Variants in LDAH observed in about 807,000 individuals in gnomAD.
The protein encoded by LDAH is lipid droplet-associated hydrolase.
In LDAH, 26 loss-of-function variants were observed where a neutral mutation model predicts 29.6. The observed-to-expected ratio is 0.88, with a 90% CI of 0.64 to 1.22. LDAH has a LOEUF of 1.22. LDAH is among the 50% of genes most tolerant of loss of function. The pLI, the probability that LDAH is intolerant of heterozygous loss-of-function variation, is 0.00. For missense variants in LDAH, 344 were observed against 387.3 expected (o/e 0.89, Z 0.94); for synonymous variants, 117 against 133.0 (o/e 0.88, Z 0.83).
intron 1 of LDAH, among the ~76,000 whole-genome samples, chr2:20,811,058 C>A (rs925533228): frequency 5.8e-4 from 88 of 151,708 alleles, no homozygotes; most frequent in African/African-American, 2.0e-3. Flanking sequence ...CGCTCTCTCG[C>A]CCAGGCTGGA....
intron 1 of LDAH, among the ~76,000 whole-genome samples, chr2:20,814,233 G>C (rs938756398): frequency 1.0e-4 from 15 of 149,088 alleles, no homozygotes; most frequent in African/African-American, 2.2e-4. Flanking sequence ...TGACAATGGG[G>C]GGGGGGGGTC....
At chr2:20,695,575 G>A (rs932863036) in intron 6 of LDAH, among the ~76,000 whole-genome samples, 10 of 151,162 alleles carry the variant, frequency 6.6e-5, no homozygotes, top group African/African-American at 2.4e-4. Context: ...TCAGCCTCCC[G>A]AGTAGCTGGG....
In LDAH at chr2:20,686,680, G is replaced by GGTCGCCGTATCA; in HGVS notation, c.*222_*223insTGATACGGCGAC. The GGTCGCCGTATCA allele has an allele frequency of 2.4e-6, 1 of 418,736 alleles. No individual in the cohort carries two copies. The highest frequency in any genetic ancestry group is 4.3e-6 in the Non-Finnish European group (1 of 233,368). 25.9% of individuals were successfully genotyped at this position (418,736 alleles called of 1,614,324 possible). On this transcript the variant is annotated 3_prime_UTR_variant, in exon 7 of 7. Coordinates refer to ENST00000237822, the MANE Select transcript of LDAH (RefSeq NM_021925.4). Reference sequence around the variant, plus strand: ...CACAAGACTCTGTGTAGATCACTGTGTTCCCTGAGTCTTGGAAAATGTATG... The same window carrying GGTCGCCGTATCA: ...CACAAGACTCTGTGTAGATCACTGTGGTCGCCGTATCATTCCCTGAGTCTTGGAAAATGTATG...
intron 5 of LDAH, among the ~76,000 whole-genome samples, chr2:20,726,372 G>C (rs1182549833): frequency 1.3e-5 from 2 of 152,206 alleles, no homozygotes; most frequent in Admixed American, 1.3e-4. Flanking sequence ...GGCTGTGTGG[G>C]AACAAAATTT....
chr2:20,730,607 T>C (rs902386317), intron 5 of LDAH, among the ~76,000 whole-genome samples: 1 of 152,212 alleles, frequency 6.6e-6, no homozygotes, highest in African/African-American at 2.4e-5. Flanking sequence ...CTAAAAGGAT[T>C]GTAGTTTTAA....
At chr2:20,714,641 T>C (rs1343259168) in intron 5 of LDAH, among the ~76,000 whole-genome samples, 2 of 152,020 alleles carry the variant, frequency 1.3e-5, no homozygotes, top group Admixed American at 1.3e-4. Flanking sequence ...CTAGCAAGAC[T>C]AATAAAGAAG....
chr2:20,779,555 T>C (rs1422102103), intron 3 of LDAH, among the ~76,000 whole-genome samples: 2 of 150,436 alleles, frequency 1.3e-5, no homozygotes, highest in African/African-American at 5.0e-5. Flanking sequence ...GCTATACATA[T>C]ATATAAATAT....
chr2:20,817,909 G>A (rs1052431331), intron 1 of LDAH, among the ~76,000 whole-genome samples: 5 of 152,126 alleles, frequency 3.3e-5, no homozygotes, highest in Non-Finnish European at 5.9e-5. Flanking sequence ...CAATATCCTT[G>A]AAATGACAAA....
In LDAH at chr2:20,795,222, G is replaced by A. The variant is rs1287877365; in HGVS notation, c.155-4824C>T. On this transcript the variant is annotated intron_variant, in intron 2 of 6. Transcript: ENST00000237822. ...ACAGAAGTTGTAGTGATCATCTCTA[G>A]GCCCTGACTGCTAATAATCTCCAAC... 2.0e-5 allele frequency among the ~76,000 whole-genome samples: 3 copies of A among 152,138 alleles called. No individual in the cohort carries two copies. The East Asian group carries it at 5.8e-4, about 29-fold the overall frequency.
At chr2:20,786,035 T>C (rs2125057406) in intron 3 of LDAH, among the ~76,000 whole-genome samples, 2 of 152,318 alleles carry the variant, frequency 1.3e-5, no homozygotes. Flanking sequence ...GCTTGCTTTG[T>C]CTCTTCAGAC....
At chr2:20,729,084 C>T (rs777086984) in intron 5 of LDAH, among the ~76,000 whole-genome samples, 2 of 152,180 alleles carry the variant, frequency 1.3e-5, no homozygotes, top group African/African-American at 4.8e-5. Context: ...TAGTATAAAA[C>T]TCTGGTTGCC....
chr2:20,734,441 T>G (rs978551592), intron 5 of LDAH, among the ~76,000 whole-genome samples: 3 of 152,202 alleles, frequency 2.0e-5, no homozygotes, highest in African/African-American at 7.2e-5. Context: ...AGTATCTCTT[T>G]TGAATAGCAT....
intron 1 of LDAH, 132 bp downstream of exon 1, chr2:20,822,905 A>C (rs1673437567): frequency 6.6e-6 from 1 of 152,256 alleles, no homozygotes. Context: ...TTTTGCTGCT[A>C]CGGGCCATCT....
chr2:20,726,006 T>G (rs973796319), intron 5 of LDAH, among the ~76,000 whole-genome samples: 4 of 152,218 alleles, frequency 2.6e-5, no homozygotes, highest in Non-Finnish European at 4.4e-5. Flanking sequence ...TCTTGGCACA[T>G]GAGAAAAATA....
intron 4 of LDAH, among the ~76,000 whole-genome samples, chr2:20,766,250 T>C (rs907634420): frequency 1.8e-4 from 27 of 152,312 alleles, no homozygotes; most frequent in African/African-American, 6.5e-4. Flanking sequence ...AAAACACTGT[T>C]TCATTGGTCA....
At chr2:20,805,564 G>A (rs1415836886) in intron 1 of LDAH, among the ~76,000 whole-genome samples, 2 of 152,126 alleles carry the variant, frequency 1.3e-5, no homozygotes, top group African/African-American at 4.8e-5. Context: ...TTCAGCCTCA[G>A]CCCATAAGCA....
At position 20,698,497 on chromosome 2, in the gene LDAH, G is replaced by A. The variant is rs926939559; in HGVS notation, c.786+3073C>T. The stretch of plus-strand genomic sequence containing the variant: ...AAGGTCAGGAGTTTGAGACCAGCCT[G>A]ACCAACATGGTGAAACCCTGTCTCT... On this transcript the variant is annotated intron_variant, in intron 6 of 6. Transcript: ENST00000237822. The surrounding 1 kb of genome is among the most constrained non-coding windows in gnomAD (Gnocchi z 4.4). 6.6e-6 allele frequency among the ~76,000 whole-genome samples: 1 copy of A among 152,150 alleles called. No homozygotes were observed. Among genetic ancestry groups the A allele is most frequent in the Non-Finnish European group, 1.5e-5 (1 of 68,028 alleles).
intron 5 of LDAH, among the ~76,000 whole-genome samples, chr2:20,701,947 AC>A (rs1663973575): frequency 6.6e-6 from 1 of 152,226 alleles, no homozygotes; most frequent in South Asian, 2.1e-4. Context: ...GTGCAATTTT[AC>A]CAGACCAATA....
At chr2:20,689,534 C>T (rs551358605) in intron 6 of LDAH, among the ~76,000 whole-genome samples, 4 of 152,300 alleles carry the variant, frequency 2.6e-5, no homozygotes, top group Non-Finnish European at 5.9e-5. Context: ...AACACGTTTC[C>T]CCGGATCTCT....
Sources: gnomAD v4.1 joint callset for allele counts (sites outside exome capture counted in the v4.1 genomes callset) on GRCh38, gnomAD v4.1.1 for gene constraint, Gnocchi (gnomAD v3.1) non-coding constraint, MANE v1.5 for transcripts, NCBI Gene and HGNC (gene_info 2026-07-23, HGNC 2026-07-21) for gene names.